Variants in NAA25 observed in about 807,000 individuals in gnomAD.
NAA25 encodes N-alpha-acetyltransferase 25, NatB auxiliary subunit.
Under a neutral mutation model 132.5 loss-of-function variants are expected in NAA25, and 30 were observed. The ratio of observed to expected loss-of-function variants is 0.23; its 90% CI spans 0.17 to 0.31. The LOEUF is 0.31. Among genes scored for constraint, NAA25 ranks in the 10% least tolerant of loss-of-function variants. The pLI, the probability that NAA25 is intolerant of heterozygous loss-of-function variation, is 1.00. For missense variants in NAA25, 771 were observed against 1,150.4 expected (o/e 0.67, Z 4.77); for synonymous variants, 359 against 401.9 (o/e 0.89, Z 1.28).
intron 11 of NAA25, among the ~76,000 whole-genome samples, chr12:112,065,225 A>T (rs1003803336): frequency 1.3e-5 from 2 of 151,408 alleles, no homozygotes; most frequent in African/African-American, 4.9e-5. Context: ...GGCTGGGCAC[A>T]GTGGCTCAGG....
rs1469941254 is a variant in NAA25, at chr12:112,049,887, T to C, written c.1729-1444A>G. Among the ~76,000 whole-genome samples, 1 of 152,122 alleles carries C rather than the reference T, an allele frequency of 6.6e-6. No individual in the cohort carries two copies. Among genetic ancestry groups the C allele is most frequent in the East Asian group, 1.9e-4 (1 of 5,202 alleles). On this transcript the variant is annotated intron_variant, in intron 15 of 23. Coordinates refer to ENST00000261745, the MANE Select transcript of NAA25 (RefSeq NM_024953.4). This position sits in a 1 kb window ranked among gnomAD's most constrained non-coding sequence, Gnocchi z 4.7. ...AAAAAAACAGCTGGTTAGGAACACA[T>C]GATTCAGTAATTAATCAAAAAGAAA...
intron 15 of NAA25, 83 bp downstream of exon 15, chr12:112,053,475 T>C (rs1593770276): frequency 1.0e-6 from 1 of 994,730 alleles, no homozygotes; most frequent in East Asian, 2.6e-5. Flanking sequence ...TTAACATGTG[T>C]ACTTGTGACA....
intron 11 of NAA25, among the ~76,000 whole-genome samples, chr12:112,065,050 T>TA (rs1283634785): frequency 6.8e-6 from 1 of 146,270 alleles, no homozygotes; most frequent in East Asian, 2.1e-4. Flanking sequence ...TAAAATAAAA[T>TA]AAAAAAATAA....
chr12:112,080,124 CA>C (rs1370722238), intron 5 of NAA25, among the ~76,000 whole-genome samples: 1 of 151,106 alleles, frequency 6.6e-6, no homozygotes, highest in African/African-American at 2.4e-5. Context: ...ACTAAAAATA[CA>C]AAAAAATTAG....
chr12:112,084,564 GCGGA>G (rs1280187992), intron 4 of NAA25, among the ~76,000 whole-genome samples: 6 of 152,206 alleles, frequency 3.9e-5, no homozygotes, highest in Non-Finnish European at 5.9e-5. Context: ...GCCAAGGTGG[GCGGA>G]CCATGAGGTC....
Position 112,081,100 on chromosome 12 carries a change from T to G in NAA25, c.437A>C (p.Asn146Thr). ...CATCACAGACCAAAAGTAGTAGGGATTTTTGGGGACAATCTTATATAGAGC... is the reference window on the plus strand; with the variant it reads ...CATCACAGACCAAAAGTAGTAGGGAGTTTTGGGGACAATCTTATATAGAGC... ...GMALYKIVPK[N>T]PYYFWSVMSL... Residue 146 changes from asparagine (N) to threonine (T), a missense_variant, in exon 5 of 24, where the codon AAT becomes ACT. Physicochemically the swap from Asn to Thr is moderately conservative, Grantham distance 65. Around this residue, in one of 3 missense-constraint regions of NAA25, gnomAD observed 417 missense variants for 733.8 expected, o/e 0.57. Coordinates refer to ENST00000261745, the MANE Select transcript of NAA25 (RefSeq NM_024953.4). 6.2e-7 allele frequency: 1 copy of G among 1,613,292 alleles called. No homozygotes were observed. Among genetic ancestry groups the G allele is most frequent in the Middle Eastern group, 1.6e-4 (1 of 6,062 alleles).
At chr12:112,040,039 C>T (rs1175786196) in intron 21 of NAA25, 1 of 157,140 alleles carries the variant, frequency 6.4e-6, no homozygotes, top group Non-Finnish European at 1.4e-5. Context: ...TGAGTGTTTG[C>T]AATCTTCCTT....
intron 22 of NAA25, among the ~76,000 whole-genome samples, chr12:112,038,261 G>A (rs59703861): frequency 2.6e-5 from 4 of 152,112 alleles, no homozygotes; most frequent in Admixed American, 6.5e-5. Flanking sequence ...TGATCTGCCC[G>A]TCTCGGCCTC....
At chr12:112,080,714 T>A (rs1229420558) in intron 5 of NAA25, among the ~76,000 whole-genome samples, 2 of 152,114 alleles carry the variant, frequency 1.3e-5, no homozygotes, top group African/African-American at 4.8e-5. Context: ...TTGGTCAGGA[T>A]GGTCTCGATT....
At chr12:112,078,865 T>G in intron 5 of NAA25, 124 bp from the exon 6 acceptor site, 1 of 721,050 alleles carries the variant, frequency 1.4e-6, no homozygotes, top group Non-Finnish European at 2.2e-6. Context: ...CTAATATGAA[T>G]TCCCTGCCAA....
At chr12:112,085,616 T>C (rs893543128) in intron 4 of NAA25, among the ~76,000 whole-genome samples, 1 of 152,082 alleles carries the variant, frequency 6.6e-6, no homozygotes, top group African/African-American at 2.4e-5. Flanking sequence ...TTTTACTCTA[T>C]CCTTATGAAT....
At chr12:112,054,608 C>T in intron 13 of NAA25, 40 bp from the exon 14 acceptor site, 1 of 1,552,306 alleles carries the variant, frequency 6.4e-7, no homozygotes. Flanking sequence ...ATCTTGACAG[C>T]AAATGAAAGC....
intron 11 of NAA25, among the ~76,000 whole-genome samples, chr12:112,068,637 C>A (rs1487122252): frequency 6.6e-6 from 1 of 152,094 alleles, no homozygotes; most frequent in East Asian, 1.9e-4. Flanking sequence ...ATAATTATCT[C>A]AAAATAAGAC....
chr12:112,065,135 T>C (rs1593787213), intron 11 of NAA25, among the ~76,000 whole-genome samples: 1 of 151,454 alleles, frequency 6.6e-6, no homozygotes, highest in Admixed American at 6.6e-5. Flanking sequence ...CCAAGGCAGG[T>C]GGATCACCTG....
chr12:112,090,652 G>C, intron 3 of NAA25, 74 bp downstream of exon 3: 8 of 1,488,416 alleles, frequency 5.4e-6, no homozygotes, highest in Non-Finnish European at 7.4e-6. Flanking sequence ...TGAGAAATCA[G>C]ACAAGGGCAA....
chr12:112,099,346 G>A (rs1212643554), intron 1 of NAA25, among the ~76,000 whole-genome samples: 1 of 151,742 alleles, frequency 6.6e-6, no homozygotes, highest in East Asian at 1.9e-4. Flanking sequence ...TCAGAATCTG[G>A]TTAATAACAT....
At chr12:112,090,391 G>A (rs1415004554) in intron 3 of NAA25, 2 of 184,530 alleles carry the variant, frequency 1.1e-5, no homozygotes, top group Non-Finnish European at 2.2e-5. Context: ...GTTAATTGCT[G>A]AAGGTGGATA....
chr12:112,059,994 G>A (rs139366317), intron 13 of NAA25, among the ~76,000 whole-genome samples: 177 of 152,030 alleles, frequency 1.2e-3, no homozygotes, highest in African/African-American at 4.1e-3. Flanking sequence ...TTTTAGTAGA[G>A]ACGAAGTTTT....
chr12:112,064,850 C>T (rs2078691442), intron 11 of NAA25, among the ~76,000 whole-genome samples: 1 of 150,774 alleles, frequency 6.6e-6, no homozygotes, highest in South Asian at 2.1e-4. Context: ...GCCTCACGAA[C>T]ATGGAGAAAC....
Sources: gnomAD v4.1 joint callset for allele counts (sites outside exome capture counted in the v4.1 genomes callset) on GRCh38, gnomAD v4.1.1 for gene constraint, gnomAD v4.1.1 regional missense constraint, Gnocchi (gnomAD v3.1) non-coding constraint, MANE v1.5 for transcripts, NCBI Gene and HGNC (gene_info 2026-07-23, HGNC 2026-07-21) for gene names.